Variants in SYT1 observed in about 807,000 individuals in gnomAD.
SYT1 encodes synaptotagmin 1, also known as synaptotagmin-1.
A neutral mutation model predicts 44.8 loss-of-function variants in SYT1; 8 were observed. The ratio of observed to expected loss-of-function variants is 0.18; its 90% CI spans 0.10 to 0.32. The LOEUF (loss-of-function observed/expected upper bound fraction) is 0.32. Ranked by LOEUF, SYT1 falls within the 10% of genes least tolerant of loss-of-function variation. The probability of loss-of-function intolerance (pLI) is 1.00; values close to 1 mark genes in which losing one functional copy is unlikely to be tolerated. For synonymous variants in SYT1, 154 were observed against 188.8 expected (o/e 0.82, Z 1.51); for missense variants, 286 against 509.3 (o/e 0.56, Z 4.22).
intron 4 of SYT1, among the ~76,000 whole-genome samples, chr12:79,264,858 A>G (rs770621365): frequency 2.6e-5 from 4 of 152,106 alleles, no homozygotes; most frequent in Admixed American, 6.5e-5. Flanking sequence ...TACTCATTCT[A>G]TTGTTTATTC....
chr12:79,242,205 T>C (rs1876556415), intron 4 of SYT1, among the ~76,000 whole-genome samples: 1 of 152,230 alleles, frequency 6.6e-6, no homozygotes, highest in African/African-American at 2.4e-5. Context: ...GTGGATCACC[T>C]GGGTCCTTGT....
At chr12:79,391,112 C>T (rs1884639733) in intron 9 of SYT1, among the ~76,000 whole-genome samples, 1 of 152,174 alleles carries the variant, frequency 6.6e-6, no homozygotes, top group African/African-American at 2.4e-5. Context: ...TGTGTCACTA[C>T]TTTTAAGATT....
chr12:78,866,652 A>G (rs985382264), intron 1 of SYT1, among the ~76,000 whole-genome samples: 1 of 152,164 alleles, frequency 6.6e-6, no homozygotes, highest in Non-Finnish European at 1.5e-5. Context: ...GGTATAGAGA[A>G]ATGCCTCGTT....
At chr12:79,278,569 A>G (rs1257675012) in intron 4 of SYT1, among the ~76,000 whole-genome samples, 3 of 152,062 alleles carry the variant, frequency 2.0e-5, no homozygotes, top group Non-Finnish European at 4.4e-5. Context: ...AGACAGAAAC[A>G]TCACAATTGA....
rs192895510 is a variant in SYT1 at position 79,180,017 on chromosome 12, G to A, written c.-17-37486G>A. Among the ~76,000 whole-genome samples, 520 of 151,864 alleles carry A rather than the reference G, an allele frequency of 3.4e-3. 3 individuals are homozygous for A. Among genetic ancestry groups the A allele is most frequent in the African/African-American group, 0.012 (486 of 41,430 alleles). On this transcript the variant is annotated intron_variant, in intron 3 of 10. Coordinates refer to ENST00000261205, the MANE Select transcript of SYT1 (RefSeq NM_005639.3). ...TTCCCCAATATTATGCTATAATGAT[G>A]TACTTTGTGCATGTTATTTTATATT...
chr12:79,255,378 A>T (rs1877457250), intron 4 of SYT1, among the ~76,000 whole-genome samples: 1 of 152,184 alleles, frequency 6.6e-6, no homozygotes, highest in African/African-American at 2.4e-5. Context: ...TTTTAGACCT[A>T]ATGCTATTAT....
intron 4 of SYT1, among the ~76,000 whole-genome samples, chr12:79,239,909 G>A (rs551295982): frequency 6.6e-6 from 1 of 152,196 alleles, no homozygotes; most frequent in Non-Finnish European, 1.5e-5. Flanking sequence ...TTCAAGGCCA[G>A]TGGAACATCT....
At chr12:79,433,839 G>A (rs74543872) in intron 9 of SYT1, among the ~76,000 whole-genome samples, 1 of 152,112 alleles carries the variant, frequency 6.6e-6, no homozygotes, top group African/African-American at 2.4e-5. Context: ...TTATACAAAC[G>A]TATTGTACTT....
At chr12:79,244,518 C>A (rs900564569) in intron 4 of SYT1, among the ~76,000 whole-genome samples, 1 of 151,930 alleles carries the variant, frequency 6.6e-6, no homozygotes, top group African/African-American at 2.4e-5. Context: ...CCAGCCTGGC[C>A]AACATGGTAA....
intron 1 of SYT1, among the ~76,000 whole-genome samples, chr12:78,902,419 G>A (rs1020533121): frequency 6.6e-6 from 1 of 151,880 alleles, no homozygotes; most frequent in Non-Finnish European, 1.5e-5. Flanking sequence ...CTTCCACATA[G>A]GGCAATATAA....
chr12:79,193,195 AAGG>A (rs1202196641), intron 3 of SYT1, among the ~76,000 whole-genome samples: 2 of 152,164 alleles, frequency 1.3e-5, no homozygotes, highest in East Asian at 1.9e-4. Context: ...CCTAACTCTC[AAGG>A]AGTTTACAGT....
At chr12:79,260,022 TG>T (rs1347208181) in intron 4 of SYT1, among the ~76,000 whole-genome samples, 4 of 152,184 alleles carry the variant, frequency 2.6e-5, no homozygotes, top group Admixed American at 2.6e-4. Context: ...ATTGTTCTCT[TG>T]GTTTTATTTT....
intron 3 of SYT1, among the ~76,000 whole-genome samples, chr12:79,075,742 C>A (rs1350529188): frequency 6.6e-6 from 1 of 152,072 alleles, no homozygotes; most frequent in African/African-American, 2.4e-5. Flanking sequence ...AATCTCAAGC[C>A]TATAGAATCG....
At position 79,086,233 on chromosome 12, in the gene SYT1, A is replaced by G. The variant is rs147061296; in HGVS notation, c.-18+38871A>G. On this transcript the variant is annotated intron_variant, in intron 3 of 10. Transcript: ENST00000261205. ...GTGATCAAATACATGAGAAAAACCT[A>G]ACACTTGTCTGGCACAAGGGAGCTG... 4.0e-3 allele frequency among the ~76,000 whole-genome samples: 604 copies of G among 152,102 alleles called. 7 individuals are homozygous for G. Among genetic ancestry groups the G allele is most frequent in the African/African-American group, 0.014 (571 of 41,454 alleles).
intron 8 of SYT1, among the ~76,000 whole-genome samples, chr12:79,302,183 T>C (rs997591951): frequency 5.3e-5 from 8 of 152,210 alleles, no homozygotes; most frequent in African/African-American, 1.9e-4. Flanking sequence ...TAGTTTTGCT[T>C]TCATCTAGCA....
At chr12:78,968,935 A>C (rs1358937246) in intron 1 of SYT1, among the ~76,000 whole-genome samples, 1 of 152,218 alleles carries the variant, frequency 6.6e-6, no homozygotes, top group Admixed American at 6.5e-5. Context: ...GAAAATAAAC[A>C]AATGAACAAG....
intron 2 of SYT1, among the ~76,000 whole-genome samples, chr12:79,040,251 T>C (rs1327381464): frequency 6.6e-6 from 1 of 150,710 alleles, no homozygotes; most frequent in African/African-American, 2.4e-5. Context: ...AGTGTAAAAG[T>C]GTTCCTATTT....
intron 2 of SYT1, among the ~76,000 whole-genome samples, chr12:78,982,447 T>C (rs75263667): frequency 0.041 from 6,216 of 152,226 alleles, 187 homozygotes; most frequent in East Asian, 0.15. Context: ...TCATCTTTCA[T>C]TGAAGAAAGT....
intron 3 of SYT1, among the ~76,000 whole-genome samples, chr12:79,172,100 G>C (rs1250257993): frequency 1.3e-5 from 2 of 151,874 alleles, no homozygotes; most frequent in African/African-American, 4.8e-5. Flanking sequence ...TTTTCCAAGT[G>C]CCTAAGTAAT....
Sources: gnomAD v4.1 joint callset for allele counts (sites outside exome capture counted in the v4.1 genomes callset) on GRCh38, gnomAD v4.1.1 for gene constraint, MANE v1.5 for transcripts, NCBI Gene and HGNC (gene_info 2026-07-23, HGNC 2026-07-21) for gene names.